Variants in PRDM2 observed in about 807,000 individuals in gnomAD.
PRDM2 encodes the protein PR/SET domain 2.
PRDM2 carries 30 observed loss-of-function variants against 130.0 expected under a neutral mutation model. The observed-to-expected ratio is 0.23, with a 90% CI of 0.17 to 0.31. PRDM2 has a LOEUF of 0.31. PRDM2 is among the 10% of genes least tolerant of loss of function. The pLI is 1.00. For missense variants in PRDM2, 2,011 were observed against 2,108.4 expected (o/e 0.95, Z 0.90); for synonymous variants, 871 against 782.4 (o/e 1.11, Z -1.89).
intron 8 of PRDM2, chr1:13,786,542 C>CA (rs762565913): frequency 6.2e-7 from 1 of 1,609,178 alleles, no homozygotes; most frequent in Non-Finnish European, 8.5e-7. Context: ...GCCCCCAAAA[C>CA]AAAACAAACC....
At chr1:13,746,042 A>G (rs1643594742) in intron 5 of PRDM2, among the ~76,000 whole-genome samples, 1 of 151,006 alleles carries the variant, frequency 6.6e-6, no homozygotes. Context: ...GAATATTAGA[A>G]CTCTTGCTTC....
chr1:13,791,650 C>G (rs1644841319), intron 8 of PRDM2, among the ~76,000 whole-genome samples: 1 of 152,120 alleles, frequency 6.6e-6, no homozygotes, highest in Non-Finnish European at 1.5e-5. Context: ...AGGATTAGAA[C>G]CTGGAGGGGG....
chr1:13,748,636 T>A (rs1643690458), intron 5 of PRDM2, among the ~76,000 whole-genome samples: 1 of 152,234 alleles, frequency 6.6e-6, no homozygotes, highest in Admixed American at 6.5e-5. Flanking sequence ...GGGATCTTGT[T>A]CTGGGTGGAA....
At chr1:13,741,295 T>C (rs1013437157) in intron 4 of PRDM2, among the ~76,000 whole-genome samples, 2 of 152,204 alleles carry the variant, frequency 1.3e-5, no homozygotes, top group Admixed American at 6.5e-5. Flanking sequence ...ATTTGACTCC[T>C]GGAAGGGGTT....
intron 8 of PRDM2, among the ~76,000 whole-genome samples, chr1:13,813,623 C>G (rs759975868): frequency 2.6e-5 from 4 of 152,178 alleles, no homozygotes; most frequent in Non-Finnish European, 5.9e-5. Context: ...TGGGAGGGTT[C>G]AGAGAGAAAA....
chr1:13,758,480 C>T (rs1352192906), intron 6 of PRDM2, among the ~76,000 whole-genome samples: 1 of 151,522 alleles, frequency 6.6e-6, no homozygotes. Context: ...GTAGTTAACA[C>T]CCGCCCCAAC....
At chr1:13,730,928 C>CAA in intron 2 of PRDM2, 72 bp from the exon 3 acceptor site, 1 of 1,096,244 alleles carries the variant, frequency 9.1e-7, no homozygotes, top group Non-Finnish European at 1.3e-6. Flanking sequence ...CTTATTGAAC[C>CAA]AGAAAAAAAA....
chr1:13,722,010 C>T (rs180970797), intron 2 of PRDM2, among the ~76,000 whole-genome samples: 2 of 152,254 alleles, frequency 1.3e-5, no homozygotes, highest in East Asian at 1.9e-4. Flanking sequence ...TAGGAAACAC[C>T]GTAAATTATT....
At chr1:13,812,841 C>G (rs113931596) in intron 8 of PRDM2, among the ~76,000 whole-genome samples, 101 of 152,340 alleles carry the variant, frequency 6.6e-4, no homozygotes, top group African/African-American at 2.3e-3. Context: ...GCAAAGTGCT[C>G]TCAATCCTGG....
intron 1 of PRDM2, among the ~76,000 whole-genome samples, chr1:13,710,387 T>G (rs115184186): frequency 0.018 from 2,744 of 152,344 alleles, 64 homozygotes; most frequent in South Asian, 0.12. Flanking sequence ...ACTCAAATTA[T>G]TTTATTGTGG....
chr1:13,774,702 C>T (rs750987512), intron 7 of PRDM2, among the ~76,000 whole-genome samples: 3 of 152,124 alleles, frequency 2.0e-5, no homozygotes, highest in South Asian at 2.1e-4. Flanking sequence ...GCTGGCCTGG[C>T]GCGGTGGCTC....
rs1249793766 is a variant in PRDM2 at position 13,782,747 on chromosome 1, G to A, written c.4952G>A (p.Arg1651Gln). 7 of 1,613,000 alleles carry A rather than the reference G, an allele frequency of 4.3e-6. No homozygotes were observed. Among genetic ancestry groups the A allele is most frequent in the South Asian group, 1.1e-5 (1 of 90,936 alleles). ...GAGCGGAGTGGGGGGCCAGTCACCC[G>A]GAGCCTTCAGCTGGCAGCTGCTGCT... ...SRERSGGPVT[R>Q]SLQLAAAADL... Residue 1651 changes from arginine (R) to glutamine (Q), a missense_variant, in exon 8 of 10, where the codon CGG becomes CAG. By Grantham distance (43) the Arg-to-Gln change is conservative. Coordinates refer to ENST00000311066, the MANE Select transcript of PRDM2 (RefSeq NM_001393986.1).
At chr1:13,739,062 T>TC (rs901368785) in intron 4 of PRDM2, 7 of 152,020 alleles carry the variant, frequency 4.6e-5, no homozygotes, top group African/African-American at 1.4e-4. Context: ...CTTTTTTTTT[T>TC]CTGAGACAGA....
intron 2 of PRDM2, among the ~76,000 whole-genome samples, chr1:13,727,552 G>A (rs1262861056): frequency 6.6e-6 from 1 of 152,212 alleles, no homozygotes; most frequent in Non-Finnish European, 1.5e-5. Context: ...ACCACGCCTC[G>A]CGTTCCCCTC....
At chr1:13,762,827 C>T (rs1001868383) in intron 6 of PRDM2, among the ~76,000 whole-genome samples, 3 of 152,072 alleles carry the variant, frequency 2.0e-5, no homozygotes, top group Non-Finnish European at 4.4e-5. Flanking sequence ...TCCTCCCCTG[C>T]GATTATGTGG....
chr1:13,776,445 C>T lies in PRDM2; in HGVS notation c.623-1973C>T, dbSNP rs74056432. On this transcript the variant is annotated intron_variant, in intron 7 of 9. Transcript: ENST00000311066. ...GCATTGGGGACCATTCCTACTAGCA[C>T]GAAACCGCGATTACAGCTTCCGTCT... 3.5e-3 allele frequency among the ~76,000 whole-genome samples: 528 copies of T among 152,286 alleles called. 3 individuals carry two copies. Among genetic ancestry groups the T allele is most frequent in the African/African-American group, 0.012 (513 of 41,550 alleles).
At chr1:13,795,953 A>G (rs750877450) in intron 8 of PRDM2, among the ~76,000 whole-genome samples, 4 of 152,212 alleles carry the variant, frequency 2.6e-5, no homozygotes, top group Admixed American at 1.3e-4. Flanking sequence ...GTTCACACTC[A>G]GGGAAAGAGG....
At position 13,779,859 on chromosome 1, in the gene PRDM2, A is replaced by G; in HGVS notation, c.2064A>G (p.Ser688=). 1 of 1,613,706 alleles carries G rather than the reference A, an allele frequency of 6.2e-7. No individual in the cohort carries two copies. ...ACAAAGAGAAAAGTGTTTATTTGTC[A>G]TCAAAGCTCAAACAACTTCTTCAAA... ...SFHKEKSVYL[S]SKLKQLLQTQ... The change falls in exon 8 of 10, where the codon TCA becomes TCG. Residue 688 remains serine (S), a synonymous_variant. Coordinates refer to ENST00000311066, the MANE Select transcript of PRDM2 (RefSeq NM_001393986.1). The surrounding 1 kb of genome is among the most constrained non-coding windows in gnomAD (Gnocchi z 4.9).
intron 8 of PRDM2, among the ~76,000 whole-genome samples, chr1:13,794,578 T>C (rs1644892010): frequency 6.6e-6 from 1 of 152,264 alleles, no homozygotes; most frequent in Non-Finnish European, 1.5e-5. Context: ...GAGCCCGTTT[T>C]CCTTTCTGTG....
Sources: gnomAD v4.1 joint callset for allele counts (sites outside exome capture counted in the v4.1 genomes callset) on GRCh38, gnomAD v4.1.1 for gene constraint, Gnocchi (gnomAD v3.1) non-coding constraint, MANE v1.5 for transcripts, NCBI Gene and HGNC (gene_info 2026-07-23, HGNC 2026-07-21) for gene names.